Variants in HSD17B12 observed in about 807,000 individuals in gnomAD.
HSD17B12 encodes the protein very-long-chain 3-oxoacyl-CoA reductase.
HSD17B12 carries 32 observed loss-of-function variants against 39.3 expected under a neutral mutation model. The ratio of observed to expected loss-of-function variants is 0.81; its 90% CI spans 0.61 to 1.09. HSD17B12 has a LOEUF of 1.09. HSD17B12 is among the 50% of genes least tolerant of loss of function. The pLI is 0.00. For synonymous variants in HSD17B12, 150 were observed against 146.7 expected (o/e 1.02, Z -0.16); for missense variants, 342 against 382.9 (o/e 0.89, Z 0.89).
the HSD17B12 span, chr11:43,641,029 C>T: frequency 9.2e-5 from 14 of 151,712 alleles, no homozygotes; most frequent in Middle Eastern, 3.4e-3. Context: ...AACTTTTCTT[C>T]TTTAGGTAAG....
chr11:43,577,371 T>C, the HSD17B12 span, among the ~76,000 whole-genome samples: 1 of 151,962 alleles, frequency 6.6e-6, no homozygotes, highest in African/African-American at 2.4e-5. Context: ...GGAAAAAAGA[T>C]TTAAAGGAGG....
At chr11:43,561,886 T>G in the HSD17B12 span, among the ~76,000 whole-genome samples, 1 of 152,342 alleles carries the variant, frequency 6.6e-6, no homozygotes, top group Non-Finnish European at 1.5e-5. Flanking sequence ...GCACGGTGCT[T>G]GACCCATGGT....
At chr11:43,806,411 C>T (rs1381154234) in intron 4 of HSD17B12, 5 of 152,002 alleles carry the variant, frequency 3.3e-5, no homozygotes, top group Non-Finnish European at 5.9e-5. Context: ...GCACTATTCA[C>T]AGTAGCCAAA....
the HSD17B12 span, among the ~76,000 whole-genome samples, chr11:43,619,635 G>A: frequency 6.6e-6 from 1 of 151,884 alleles, no homozygotes; most frequent in African/African-American, 2.4e-5. Flanking sequence ...TGGGTGATCT[G>A]CCCACCTCAG....
chr11:43,803,871 A>G (rs1436849526), intron 4 of HSD17B12, among the ~76,000 whole-genome samples: 1 of 152,238 alleles, frequency 6.6e-6, no homozygotes, highest in Non-Finnish European at 1.5e-5. Context: ...GGCTATTTAG[A>G]GAAAATGACA....
intron 3 of HSD17B12, among the ~76,000 whole-genome samples, chr11:43,787,178 G>A (rs1950823302): frequency 6.6e-6 from 1 of 152,072 alleles, no homozygotes; most frequent in East Asian, 1.9e-4. Context: ...CTGACCTCAG[G>A]TGATCCACCC....
At chr11:43,592,163 T>G in the HSD17B12 span, among the ~76,000 whole-genome samples, 1 of 152,226 alleles carries the variant, frequency 6.6e-6, no homozygotes, top group East Asian at 1.9e-4. Flanking sequence ...GTTATAAAAT[T>G]TATAGATCTT....
intron 9 of HSD17B12, among the ~76,000 whole-genome samples, chr11:43,849,436 C>T (rs142570906): frequency 1.3e-5 from 2 of 152,320 alleles, no homozygotes; most frequent in Non-Finnish European, 2.9e-5. Context: ...CAAACTTCCA[C>T]GTTATCATGT....
the HSD17B12 span, among the ~76,000 whole-genome samples, chr11:43,585,317 G>C: frequency 3.9e-5 from 6 of 152,176 alleles, no homozygotes; most frequent in South Asian, 1.2e-3. Flanking sequence ...TGGGGATTTC[G>C]GTTCAGAGCT....
chr11:43,768,574 TC>T (rs1444418075), intron 3 of HSD17B12, among the ~76,000 whole-genome samples: 2 of 152,182 alleles, frequency 1.3e-5, no homozygotes, highest in Admixed American at 6.5e-5. Flanking sequence ...AGTTTGTTCC[TC>T]CAGATGGGTC....
chr11:43,713,474 C>A (rs1950089960), intron 1 of HSD17B12, among the ~76,000 whole-genome samples: 1 of 152,082 alleles, frequency 6.6e-6, no homozygotes, highest in Non-Finnish European at 1.5e-5. Context: ...TTTTTTATGG[C>A]TGCATAGTAT....
chr11:43,703,705 A>G (rs983978118), intron 1 of HSD17B12, among the ~76,000 whole-genome samples: 1 of 152,148 alleles, frequency 6.6e-6, no homozygotes, highest in Non-Finnish European at 1.5e-5. Flanking sequence ...TTATTGGCAT[A>G]TAGTTACTCA....
chr11:43,598,774 C>T, the HSD17B12 span, among the ~76,000 whole-genome samples: 9 of 152,208 alleles, frequency 5.9e-5, no homozygotes, highest in South Asian at 2.1e-4. Flanking sequence ...GTGGGGTATG[C>T]GGGTGCAGAC....
chr11:43,565,151 T>C, the HSD17B12 span, among the ~76,000 whole-genome samples: 1 of 152,158 alleles, frequency 6.6e-6, no homozygotes, highest in Non-Finnish European at 1.5e-5. Flanking sequence ...CCACCTGCGT[T>C]GGCCTCCCAA....
intron 3 of HSD17B12, among the ~76,000 whole-genome samples, chr11:43,786,606 A>G (rs1388876936): frequency 6.6e-6 from 1 of 152,234 alleles, no homozygotes; most frequent in African/African-American, 2.4e-5. Flanking sequence ...CATGTCAGCA[A>G]TTTAATCTAA....
chr11:43,699,098 G>T lies in HSD17B12; in HGVS notation c.160+18111G>T, dbSNP rs150326084. 4.7e-3 allele frequency among the ~76,000 whole-genome samples: 708 copies of T among 152,232 alleles called. 4 individuals are homozygous for T. The highest frequency in any genetic ancestry group is 0.013 in the African/African-American group (559 of 41,538). On this transcript the variant is annotated intron_variant, in intron 1 of 10. Transcript: ENST00000278353. ...TGGTTAGTTACTACAGTGGATTAAAGATATAGTTAAATTATTGCTAGTGAA... is the reference window on the plus strand; with the variant it reads ...TGGTTAGTTACTACAGTGGATTAAATATATAGTTAAATTATTGCTAGTGAA...
chr11:43,700,527 G>A (rs536532084), intron 1 of HSD17B12, among the ~76,000 whole-genome samples: 1 of 151,642 alleles, frequency 6.6e-6, no homozygotes, highest in South Asian at 2.1e-4. Flanking sequence ...TCCTTCTACT[G>A]TCTGTCCATG....
At chr11:43,586,376 G>T in the HSD17B12 span, among the ~76,000 whole-genome samples, 1 of 152,184 alleles carries the variant, frequency 6.6e-6, no homozygotes, top group African/African-American at 2.4e-5. Flanking sequence ...CAAGAAAGTT[G>T]CTGTGTCATA....
intron 3 of HSD17B12, among the ~76,000 whole-genome samples, chr11:43,793,253 A>C (rs928465624): frequency 2.0e-5 from 3 of 152,188 alleles, no homozygotes; most frequent in African/African-American, 7.2e-5. Flanking sequence ...ATAATATGGA[A>C]AAAGTGAGGA....
Sources: gnomAD v4.1 joint callset for allele counts (sites outside exome capture counted in the v4.1 genomes callset) on GRCh38, gnomAD v4.1.1 for gene constraint, MANE v1.5 for transcripts, NCBI Gene and HGNC (gene_info 2026-07-23, HGNC 2026-07-21) for gene names.